GRM3: variants seen among roughly 807,000 people sequenced by gnomAD.
GRM3 encodes the protein glutamate metabotropic receptor 3, also known as metabotropic glutamate receptor 3.
Under a neutral mutation model 70.5 loss-of-function variants are expected in GRM3, and 26 were observed. That is an observed-to-expected ratio of 0.37 (90% CI 0.27 to 0.51). GRM3 has a LOEUF of 0.51. Ranked by LOEUF, GRM3 falls within the 20% of genes least tolerant of loss-of-function variation. The pLI is 0.93. For missense variants in GRM3, 859 were observed against 1,123.8 expected (o/e 0.76, Z 3.37); for synonymous variants, 443 against 434.9 (o/e 1.02, Z -0.23).
chr7:86,737,995 C>T (rs1795903411), intron 1 of GRM3, among the ~76,000 whole-genome samples: 1 of 152,172 alleles, frequency 6.6e-6, no homozygotes, highest in East Asian at 1.9e-4. Context: ...GACATGAAAG[C>T]ATTTCCCAGA....
chr7:86,736,380 C>A lies in GRM3; in HGVS notation c.-140-28626C>A, dbSNP rs553459563. On this transcript the variant is annotated intron_variant, in intron 1 of 5. Transcript: ENST00000361669. ...AATGCCAATGTGATTAATGTAGCTG[C>A]CAAAGTTCATGAAACATTTCTCTAT... is the stretch of plus-strand genomic sequence containing the variant. 4.6e-5 allele frequency among the ~76,000 whole-genome samples: 7 copies of A among 152,230 alleles called. No homozygotes were observed. In the East Asian group the frequency reaches 1.4e-3, roughly 29 times the overall value.
At chr7:86,687,779 T>G (rs1199767980) in intron 1 of GRM3, among the ~76,000 whole-genome samples, 1 of 151,840 alleles carries the variant, frequency 6.6e-6, no homozygotes, top group African/African-American at 2.4e-5. Flanking sequence ...TAGAAATATA[T>G]TGTAAGGCTA....
At chr7:86,792,718 C>T (rs1029664538) in intron 3 of GRM3, among the ~76,000 whole-genome samples, 3 of 152,096 alleles carry the variant, frequency 2.0e-5, no homozygotes, top group Non-Finnish European at 2.9e-5. Flanking sequence ...ATTTAACCAC[C>T]AAAAACAATT....
chr7:86,760,687 A>G (rs1359576541), intron 1 of GRM3, among the ~76,000 whole-genome samples: 1 of 152,076 alleles, frequency 6.6e-6, no homozygotes, highest in African/African-American at 2.4e-5. Flanking sequence ...TTCATTTTAA[A>G]CAGTGCTAAT....
At chr7:86,812,894 C>T (rs1025610146) in intron 3 of GRM3, among the ~76,000 whole-genome samples, 6 of 151,680 alleles carry the variant, frequency 4.0e-5, no homozygotes, top group Admixed American at 1.3e-4. Context: ...ACCCAGTTTG[C>T]TCTATGTAAT....
intron 1 of GRM3, among the ~76,000 whole-genome samples, chr7:86,733,676 G>C (rs767963011): frequency 1.3e-5 from 2 of 152,194 alleles, no homozygotes; most frequent in Non-Finnish European, 2.9e-5. Flanking sequence ...GGTTCTAACA[G>C]ATCTGGGGGG....
At chr7:86,810,384 G>A (rs1316662001) in intron 3 of GRM3, among the ~76,000 whole-genome samples, 2 of 151,908 alleles carry the variant, frequency 1.3e-5, no homozygotes, top group African/African-American at 4.8e-5. Flanking sequence ...CATTCTGCTA[G>A]AAATTCATGA....
intron 1 of GRM3, among the ~76,000 whole-genome samples, chr7:86,684,380 T>C (rs1183611324): frequency 1.3e-5 from 2 of 152,212 alleles, no homozygotes; most frequent in Admixed American, 6.5e-5. Flanking sequence ...ATTTGGCACA[T>C]GGTAAATATT....
At chr7:86,742,082 G>A (rs2116324601) in intron 1 of GRM3, among the ~76,000 whole-genome samples, 1 of 152,296 alleles carries the variant, frequency 6.6e-6, no homozygotes, top group Non-Finnish European at 1.5e-5. Flanking sequence ...CTGGTGGCTG[G>A]AATCATCTAA....
At chr7:86,700,554 G>A (rs1450909326) in intron 1 of GRM3, among the ~76,000 whole-genome samples, 1 of 151,854 alleles carries the variant, frequency 6.6e-6, no homozygotes, top group African/African-American at 2.4e-5. Flanking sequence ...ACCTGTCTTG[G>A]AATGTGTTTT....
At chr7:86,718,911 C>T (rs926107262) in intron 1 of GRM3, among the ~76,000 whole-genome samples, 1 of 151,882 alleles carries the variant, frequency 6.6e-6, no homozygotes, top group African/African-American at 2.4e-5. Context: ...AAAACTGAAT[C>T]GCCACTGCTT....
At chr7:86,738,475 T>C (rs1357637343) in intron 1 of GRM3, among the ~76,000 whole-genome samples, 4 of 152,202 alleles carry the variant, frequency 2.6e-5, no homozygotes, top group Non-Finnish European at 5.9e-5. Flanking sequence ...TATAAAGCCA[T>C]ATTCTACTCT....
chr7:86,716,787 C>G (rs1233604469), intron 1 of GRM3, among the ~76,000 whole-genome samples: 2 of 151,772 alleles, frequency 1.3e-5, no homozygotes, highest in African/African-American at 2.4e-5. Flanking sequence ...AACTATTTCC[C>G]TTGTTGGGAT....
intron 1 of GRM3, among the ~76,000 whole-genome samples, chr7:86,686,454 C>G (rs917289944): frequency 6.6e-6 from 1 of 152,140 alleles, no homozygotes; most frequent in African/African-American, 2.4e-5. Flanking sequence ...TATAAATCAC[C>G]AGGGGGTTGC....
rs572023525 is a variant in GRM3, at chr7:86,728,036, AAAT to A, written c.-140-36965_-140-36963del. ...ATTTAAAATAAAGTGTATTGTCTCT[AAAT>A]AATATATTCTGTAGACAATTTATAT... On this transcript the variant is annotated intron_variant, in intron 1 of 5. Transcript: ENST00000361669. Among the ~76,000 whole-genome samples, 601 of 152,344 alleles carry A rather than the reference AAAT, an allele frequency of 3.9e-3. 5 individuals carry two copies. Among genetic ancestry groups the A allele is most frequent in the African/African-American group, 0.014 (571 of 41,580 alleles).
chr7:86,721,087 G>A (rs753086143), intron 1 of GRM3, among the ~76,000 whole-genome samples: 1 of 151,984 alleles, frequency 6.6e-6, no homozygotes. Context: ...TGCCTGGGCC[G>A]CTAACACACA....
At chr7:86,678,904 G>A (rs558112646) in intron 1 of GRM3, among the ~76,000 whole-genome samples, 1 of 152,106 alleles carries the variant, frequency 6.6e-6, no homozygotes, top group African/African-American at 2.4e-5. Flanking sequence ...GAAGGCTATG[G>A]TACATGGTTT....
At chr7:86,806,306 T>A (rs925792438) in intron 3 of GRM3, among the ~76,000 whole-genome samples, 1 of 152,202 alleles carries the variant, frequency 6.6e-6, no homozygotes, top group Non-Finnish European at 1.5e-5. Flanking sequence ...TAGTTCTAGA[T>A]CCCTGAGGAA....
intron 3 of GRM3, among the ~76,000 whole-genome samples, chr7:86,794,717 C>A (rs1797507842): frequency 6.6e-6 from 1 of 152,116 alleles, no homozygotes; most frequent in African/African-American, 2.4e-5. Flanking sequence ...CCCTGAACCC[C>A]TAGCATGGTT....
Sources: gnomAD v4.1 joint callset for allele counts (sites outside exome capture counted in the v4.1 genomes callset) on GRCh38, gnomAD v4.1.1 for gene constraint, MANE v1.5 for transcripts, NCBI Gene and HGNC (gene_info 2026-07-23, HGNC 2026-07-21) for gene names.